AKT3: variants seen among roughly 807,000 people sequenced by gnomAD.
AKT3 encodes the protein RAC-gamma serine/threonine-protein kinase.
Under a neutral mutation model 65.3 loss-of-function variants are expected in AKT3, and 15 were observed. That is an observed-to-expected ratio of 0.23 (90% CI 0.15 to 0.35). The LOEUF (loss-of-function observed/expected upper bound fraction) is 0.35. Among genes scored for constraint, AKT3 ranks in the 10% least tolerant of loss-of-function variants. The pLI is 1.00. For synonymous variants in AKT3, 206 were observed against 183.8 expected, an observed-to-expected ratio of 1.12 and a Z score of -0.98; for missense variants, 243 against 576.5, an observed-to-expected ratio of 0.42 and a Z score of 5.92.
At chr1:243,777,553 T>A (rs538464807) in intron 2 of AKT3, among the ~76,000 whole-genome samples, 19 of 152,328 alleles carry the variant, frequency 1.2e-4, no homozygotes, top group African/African-American at 4.1e-4. Context: ...AAGTAACATA[T>A]AAGTTGTCTT....
chr1:243,701,278 C>A (rs1338261665), intron 2 of AKT3, among the ~76,000 whole-genome samples: 1 of 152,166 alleles, frequency 6.6e-6, no homozygotes, highest in African/African-American at 2.4e-5. Context: ...AATAATTCAG[C>A]CTTGTGACCT....
chr1:243,776,564 C>T (rs1406990748), intron 2 of AKT3, among the ~76,000 whole-genome samples: 1 of 152,198 alleles, frequency 6.6e-6, no homozygotes, highest in Non-Finnish European at 1.5e-5. Context: ...TTATCTCAAA[C>T]ATCCAGCCTC....
At position 243,682,733 on chromosome 1, in the gene AKT3, A is replaced by T. The variant is rs79121570; in HGVS notation, c.172+12858T>A. Among the ~76,000 whole-genome samples the T allele has an allele frequency of 1.4e-4, 22 of 152,300 alleles. 1 individual carries two copies. In the East Asian group the frequency reaches 4.2e-3, roughly 29 times the overall value. On this transcript the variant is annotated intron_variant, in intron 3 of 13. Coordinates refer to ENST00000673466, the MANE Select transcript of AKT3 (RefSeq NM_005465.7). The stretch of plus-strand genomic sequence containing the variant: ...AGATTTCATACCCACTTACTTTGAC[A>T]AGATGAAAAGAAATTCAGCCAAAGT...
At chr1:243,849,378 A>G in intron 1 of AKT3, among the ~76,000 whole-genome samples, 1 of 82,910 alleles carries the variant, frequency 1.2e-5, no homozygotes, top group Admixed American at 1.2e-4. Context: ...CCCACCTCCC[A>G]CACACACACC....
chr1:243,818,854 G>C (rs1015291615), intron 2 of AKT3, among the ~76,000 whole-genome samples: 2 of 152,042 alleles, frequency 1.3e-5, no homozygotes, highest in African/African-American at 4.8e-5. Context: ...CTAGGCAGTT[G>C]GCGCGACCTA....
chr1:243,769,475 T>G (rs1030424496), intron 2 of AKT3, among the ~76,000 whole-genome samples: 9 of 152,216 alleles, frequency 5.9e-5, no homozygotes, highest in African/African-American at 2.2e-4. Flanking sequence ...TGTTTATCAT[T>G]GTTTACAGAC....
intron 12 of AKT3, among the ~76,000 whole-genome samples, chr1:243,541,891 T>G (rs185086010): frequency 6.6e-6 from 1 of 152,254 alleles, no homozygotes; most frequent in Admixed American, 6.5e-5. Flanking sequence ...TATTTCTATA[T>G]ACTGGCAGTA....
chr1:243,616,699 T>C (rs1678353204), intron 6 of AKT3, among the ~76,000 whole-genome samples: 1 of 152,204 alleles, frequency 6.6e-6, no homozygotes, highest in South Asian at 2.1e-4. Context: ...TTATATTTGT[T>C]ATCTTTATAA....
rs532275032 is a variant in AKT3, at chr1:243,644,114, C to T, written c.429+1779G>A. ...GATCTTTTAATTGTATACTGTAACA[C>T]GTCAATATACAGCTTATTTCTTTTT... On this transcript the variant is annotated intron_variant, in intron 5 of 13. Transcript: ENST00000673466. 6.6e-5 allele frequency among the ~76,000 whole-genome samples: 10 copies of T among 152,206 alleles called. No individual in the cohort carries two copies. The East Asian group carries it at 1.5e-3, about 23-fold the overall frequency.
intron 6 of AKT3, among the ~76,000 whole-genome samples, chr1:243,629,817 G>A (rs1229692390): frequency 1.3e-5 from 2 of 152,006 alleles, no homozygotes; most frequent in African/African-American, 4.8e-5. Context: ...AAAAGATATG[G>A]GAGATATGCA....
At chr1:243,601,604 A>G (rs1349932126) in intron 8 of AKT3, among the ~76,000 whole-genome samples, 2 of 152,164 alleles carry the variant, frequency 1.3e-5, no homozygotes, top group Non-Finnish European at 2.9e-5. Flanking sequence ...TCACACACAG[A>G]TTTGTACTGG....
chr1:243,550,958 CAAAAAAAAAAAAA>C (rs60047036), intron 11 of AKT3, among the ~76,000 whole-genome samples: 9 of 17,536 alleles, frequency 5.1e-4, no homozygotes, highest in East Asian at 2.1e-3. Context: ...GACTCCCTCT[CAAAAAAAAAAAAA>C]AAAAAAAAAA....
intron 2 of AKT3, among the ~76,000 whole-genome samples, chr1:243,714,775 A>G (rs1040630431): frequency 5.9e-5 from 9 of 152,186 alleles, no homozygotes; most frequent in Non-Finnish European, 1.2e-4. Flanking sequence ...AAAATCTACT[A>G]TTTGAAGAAA....
At chr1:243,615,066 G>C in intron 7 of AKT3, 30 bp downstream of exon 7, 18 of 1,425,062 alleles carry the variant, frequency 1.3e-5, no homozygotes, top group Non-Finnish European at 1.8e-5. Flanking sequence ...CAAATGTTAC[G>C]ATTATAACAT....
At chr1:243,832,636 T>C (rs571226298) in intron 2 of AKT3, among the ~76,000 whole-genome samples, 137 of 152,308 alleles carry the variant, frequency 9.0e-4, no homozygotes, top group African/African-American at 3.2e-3. Context: ...CGCACTGATG[T>C]GGCTTTTTAC....
chr1:243,653,938 T>C (rs1298085652), intron 4 of AKT3, among the ~76,000 whole-genome samples: 2 of 152,186 alleles, frequency 1.3e-5, no homozygotes, highest in East Asian at 3.8e-4. Flanking sequence ...CTTTTTCTCC[T>C]TTCCTGCCTG....
At chr1:243,732,904 GACA>G (rs1232986972) in intron 2 of AKT3, among the ~76,000 whole-genome samples, 1 of 152,172 alleles carries the variant, frequency 6.6e-6, no homozygotes, top group African/African-American at 2.4e-5. Flanking sequence ...AAGGTGCTTT[GACA>G]ACAACAATCA....
At chr1:243,654,339 A>G (rs367712632) in intron 4 of AKT3, among the ~76,000 whole-genome samples, 1 of 152,214 alleles carries the variant, frequency 6.6e-6, no homozygotes, top group Non-Finnish European at 1.5e-5. Context: ...TTTAAAAATC[A>G]ATGCTTACTT....
intron 4 of AKT3, among the ~76,000 whole-genome samples, chr1:243,654,504 A>G (rs1445292180): frequency 6.6e-6 from 1 of 152,158 alleles, no homozygotes; most frequent in Non-Finnish European, 1.5e-5. Context: ...AAGGGAGTAG[A>G]GACAGGATCT....
Sources: gnomAD v4.1 joint callset for allele counts (sites outside exome capture counted in the v4.1 genomes callset) on GRCh38, gnomAD v4.1.1 for gene constraint, MANE v1.5 for transcripts, NCBI Gene and HGNC (gene_info 2026-07-23, HGNC 2026-07-21) for gene names.